The following C14orf132 variants were observed in gnomAD, a reference collection of about 807,000 sequenced individuals.
C14orf132 encodes uncharacterized protein C14orf132.
In C14orf132, 6 loss-of-function variants were observed where a neutral mutation model predicts 5.8. The ratio of observed to expected loss-of-function variants is 1.03; its 90% CI spans 0.57 to 2.04. The LOEUF is 2.04. C14orf132 is among the 30% of genes most tolerant of loss of function. The pLI, the probability that C14orf132 is intolerant of heterozygous loss-of-function variation, is 0.00. For missense variants in C14orf132, 125 were observed against 115.8 expected (o/e 1.08, Z -0.37); for synonymous variants, 51 against 49.8 (o/e 1.02, Z -0.10).
chr14:96,078,857 G>A (rs535834183), intron 1 of C14orf132, among the ~76,000 whole-genome samples: 95 of 152,334 alleles, frequency 6.2e-4, no homozygotes, highest in Admixed American at 1.1e-3. Context: ...CTGCTGATTT[G>A]TAAGAGTCCA....
chr14:96,089,610 C>T lies in C14orf132; in HGVS notation c.*2875C>T, dbSNP rs1888316304. ...GGCCAGCTCTGGCTTCCACAGGTCC[C>T]TGACTGTCCTCAGAGTGGAACATGC... On this transcript the variant is annotated 3_prime_UTR_variant, in exon 2 of 2. Coordinates refer to ENST00000555004, the MANE Select transcript of C14orf132 (RefSeq NM_001252507.3). The T allele has an allele frequency of 6.6e-6, 1 of 152,356 alleles. No homozygotes were observed. The highest frequency in any genetic ancestry group is 1.5e-5 in the Non-Finnish European group (1 of 68,178). 9.4% of individuals were successfully genotyped at this position (152,356 alleles called of 1,614,324 possible).
At chr14:96,050,792 T>C (rs74884875) in intron 1 of C14orf132, among the ~76,000 whole-genome samples, 1,580 of 152,306 alleles carry the variant, frequency 0.01, 12 homozygotes, top group Non-Finnish European at 0.017. Context: ...CGAGGGTCAC[T>C]GTCCTTCATT....
chr14:96,084,155 C>T (rs1041854422), intron 1 of C14orf132, among the ~76,000 whole-genome samples: 1 of 152,196 alleles, frequency 6.6e-6, no homozygotes, highest in Non-Finnish European at 1.5e-5. Context: ...AGATCCCATT[C>T]GTGGAGTCCA....
chr14:96,090,931 A>G lies in C14orf132; in HGVS notation c.*4196A>G, dbSNP rs912309461. On this transcript the variant is annotated 3_prime_UTR_variant, in exon 2 of 2. Transcript: ENST00000555004. ...AGAAGCATCATCTGCCTTCATTATT[A>G]GCAGTAATATTATTCCCAGTTATTA... is the stretch of plus-strand genomic sequence containing the variant. 5 of 456,004 alleles carry G rather than the reference A, an allele frequency of 1.1e-5. No individual in the cohort carries two copies. Among genetic ancestry groups the G allele is most frequent in the African/African-American group, 2.0e-5 (1 of 50,100 alleles). 28.2% of individuals were successfully genotyped at this position (456,004 alleles called of 1,614,324 possible).
chr14:96,040,315 C>G (rs1886657137), intron 1 of C14orf132: 1 of 398,496 alleles, frequency 2.5e-6, no homozygotes, highest in African/African-American at 2.1e-5. Flanking sequence ...GTCTGTGACC[C>G]TAGAGAAGAC....
At chr14:96,054,289 C>T (rs1354892132) in intron 1 of C14orf132, among the ~76,000 whole-genome samples, 1 of 152,216 alleles carries the variant, frequency 6.6e-6, no homozygotes, top group Non-Finnish European at 1.5e-5. Context: ...GGCCCTGCCA[C>T]TGCGCTGCCG....
intron 1 of C14orf132, among the ~76,000 whole-genome samples, chr14:96,052,164 G>C (rs1327451974): frequency 6.6e-6 from 1 of 152,276 alleles, no homozygotes; most frequent in Non-Finnish European, 1.5e-5. Flanking sequence ...GGATTGTAGA[G>C]TGTTGGGGTG....
chr14:96,067,652 T>G (rs1201409817), intron 1 of C14orf132, among the ~76,000 whole-genome samples: 1 of 150,324 alleles, frequency 6.7e-6, no homozygotes, highest in South Asian at 2.1e-4. Flanking sequence ...TGAGCGGAGA[T>G]CAGGCCATTG....
intron 1 of C14orf132, among the ~76,000 whole-genome samples, chr14:96,065,390 TAGAGG>T (rs1887501294): frequency 1.3e-5 from 2 of 152,156 alleles, no homozygotes; most frequent in Non-Finnish European, 2.9e-5. Flanking sequence ...TTTTGCCATA[TAGAGG>T]AGAGGATGTT....
chr14:96,074,099 T>C (rs531984882), intron 1 of C14orf132, among the ~76,000 whole-genome samples: 1 of 152,282 alleles, frequency 6.6e-6, no homozygotes, highest in African/African-American at 2.4e-5. Context: ...AGGTGATGGG[T>C]TGATCTGTGC....
chr14:96,049,620 GTATA>G lies in C14orf132; in HGVS notation c.27+10100_27+10103del, dbSNP rs1164899632. On this transcript the variant is annotated intron_variant, in intron 1 of 1. Transcript: ENST00000555004. The stretch of plus-strand genomic sequence containing the variant: ...TATACGTATATATATACATATATAC[GTATA>G]TATATACATATATACGTATATATAT... Among the ~76,000 whole-genome samples the G allele has an allele frequency of 4.6e-5, 4 of 87,596 alleles. 1 individual carries two copies. The highest frequency in any genetic ancestry group is 2.2e-5 in the Non-Finnish European group (1 of 44,898). The allele number at this position is 87,596 out of a possible 152,430, so 57.5% of individuals were successfully genotyped here.
intron 1 of C14orf132, among the ~76,000 whole-genome samples, chr14:96,079,789 G>C (rs972853799): frequency 6.6e-6 from 1 of 152,224 alleles, no homozygotes; most frequent in African/African-American, 2.4e-5. Context: ...CTGGGCCACA[G>C]ATGGTGTGTT....
chr14:96,048,659 G>A (rs1026763508), intron 1 of C14orf132, among the ~76,000 whole-genome samples: 7 of 151,968 alleles, frequency 4.6e-5, no homozygotes, highest in Admixed American at 3.9e-4. Flanking sequence ...CCGAATAGAC[G>A]GGATTACAGG....
At chr14:96,071,403 C>T (rs1446585570) in intron 1 of C14orf132, among the ~76,000 whole-genome samples, 1 of 152,182 alleles carries the variant, frequency 6.6e-6, no homozygotes, top group Non-Finnish European at 1.5e-5. Context: ...AACCATTTCA[C>T]TCTTCCTCTG....
chr14:96,057,263 G>T (rs8014271), intron 1 of C14orf132, among the ~76,000 whole-genome samples: 1 of 152,254 alleles, frequency 6.6e-6, no homozygotes, highest in South Asian at 2.1e-4. Flanking sequence ...TCTGTCCCTT[G>T]CACTTTGTGA....
chr14:96,055,853 T>A (rs1887168062), intron 1 of C14orf132, among the ~76,000 whole-genome samples: 1 of 152,168 alleles, frequency 6.6e-6, no homozygotes, highest in Non-Finnish European at 1.5e-5. Context: ...CTGGCTCCTG[T>A]TTCTTCCCTG....
intron 1 of C14orf132, among the ~76,000 whole-genome samples, chr14:96,074,999 A>G (rs1157517752): frequency 2.6e-5 from 4 of 152,220 alleles, no homozygotes; most frequent in Non-Finnish European, 4.4e-5. Context: ...TTTTACATCA[A>G]TCTGGGGAGA....
intron 1 of C14orf132, among the ~76,000 whole-genome samples, chr14:96,051,604 G>A (rs1887028410): frequency 6.6e-6 from 1 of 152,148 alleles, no homozygotes; most frequent in South Asian, 2.1e-4. Context: ...CCTGAGGGGG[G>A]CTGACTAATG....
intron 1 of C14orf132, among the ~76,000 whole-genome samples, chr14:96,041,764 A>T (rs978093841): frequency 6.6e-6 from 1 of 152,200 alleles, no homozygotes; most frequent in African/African-American, 2.4e-5. Flanking sequence ...GCATCCATCC[A>T]CTTGCTCAGC....
Sources: allele counts gnomAD v4.1 joint callset (sites outside exome capture counted in the v4.1 genomes callset), GRCh38; gene constraint gnomAD v4.1.1; transcripts MANE v1.5; gene names NCBI Gene and HGNC (gene_info 2026-07-23, HGNC 2026-07-21).